Variants in KDM5B observed in about 807,000 individuals in gnomAD.
The protein encoded by KDM5B is lysine demethylase 5B, also known as lysine-specific demethylase 5B.
In KDM5B, 144 loss-of-function variants were observed where a neutral mutation model predicts 193.4. The ratio of observed to expected loss-of-function variants is 0.74; its 90% CI spans 0.65 to 0.86. The LOEUF is 0.86. Ranked by LOEUF, KDM5B falls within the 40% of genes least tolerant of loss-of-function variation. KDM5B has a pLI of 0.00. For synonymous variants in KDM5B, 668 were observed against 682.6 expected (o/e 0.98, Z 0.33); for missense variants, 1,833 against 1,886.9 (o/e 0.97, Z 0.53).
rs150737727 is a variant in KDM5B, at chr1:202,736,273, A to G, written c.3204T>C (p.Ala1068=). 2,181 of 1,612,244 alleles carry G rather than the reference A, an allele frequency of 1.4e-3. 23 individuals carry two copies. In the African/African-American group the frequency reaches 0.026, roughly 19 times the overall value. The stretch of plus-strand genomic sequence containing the variant: ...ATGTATTAACAGCACATTCTTTCCA[A>G]GCCTGAACCTCAGCTACTAGGGTTT... ...RLETLVAEVQ[A]WKECAVNTFL... The change falls in exon 21 of 27, where the codon GCT becomes GCC. Residue 1068 remains alanine (A), a synonymous_variant. Coordinates refer to ENST00000367265, the MANE Select transcript of KDM5B (RefSeq NM_006618.5).
rs1337694639 is a variant in KDM5B at position 202,808,205 on chromosome 1, A to T, written c.101T>A (p.Val34Asp). 6.2e-7 allele frequency: 1 copy of T among 1,612,876 alleles called. No individual in the cohort carries two copies. Among genetic ancestry groups the T allele is most frequent in the Admixed American group, 1.7e-5 (1 of 60,002 alleles). Reference sequence around the variant, plus strand: ...GAACTCTTCCCAGCTGGGTTCGAAGACCGGGCACTCGGGTGGAGGCAGGAA... The same window carrying T: ...GAACTCTTCCCAGCTGGGTTCGAAGTCCGGGCACTCGGGTGGAGGCAGGAA... ...GEFLPPPECP[V>D]FEPSWEEFAD... Residue 34 changes from valine to aspartate, a missense_variant, in exon 1 of 27, where the codon GTC becomes GAC. Transcript: ENST00000367265.
chr1:202,803,370 T>G lies in KDM5B; in HGVS notation c.204+4732A>C, dbSNP rs1558523695. ...ATTTGCAATATCATTCACATTACATTCTTAAAGTCTACACGTTTTGTTTAT... is the reference window on the plus strand; with the variant it reads ...ATTTGCAATATCATTCACATTACATGCTTAAAGTCTACACGTTTTGTTTAT... On this transcript the variant is annotated intron_variant, in intron 1 of 26. Transcript: ENST00000367265. Among the ~76,000 whole-genome samples, 2 of 152,152 alleles carry G rather than the reference T, an allele frequency of 1.3e-5. 1 individual carries two copies. Among genetic ancestry groups the G allele is most frequent in the Non-Finnish European group, 2.9e-5 (2 of 68,020 alleles).
At chr1:202,742,881 T>C in intron 16 of KDM5B, 76 bp from the exon 17 acceptor site, 1 of 1,251,008 alleles carries the variant, frequency 8.0e-7, no homozygotes, top group Non-Finnish European at 1.1e-6. Context: ...CAGAGGAGAC[T>C]GGTTTTGTCA....
At position 202,750,762 on chromosome 1, in the gene KDM5B, T is replaced by C; in HGVS notation, c.1718A>G (p.Gln573Arg). 6.2e-7 allele frequency: 1 copy of C among 1,613,630 alleles called. No homozygotes were observed. Among genetic ancestry groups the C allele is most frequent in the Non-Finnish European group, 8.5e-7 (1 of 1,179,708 alleles). ...THEVPVYRTN[Q>R]CAGEFVITFP... ...TGTAATCACAAACTCCCCAGCACAC[T>C]GATTAGTTCGGTAAACCTAAAGAGA... The change falls in exon 13 of 27, where the codon CAG becomes CGG. Residue 573 changes from glutamine to arginine, a missense_variant. By Grantham distance (43) the Gln-to-Arg change is conservative (BLOSUM62 1). Around this residue, in one of 3 missense-constraint regions of KDM5B, gnomAD observed 1,379 missense variants for 1,349.6 expected, o/e 1.02. Coordinates refer to ENST00000367265, the MANE Select transcript of KDM5B (RefSeq NM_006618.5).
chr1:202,792,839 C>CA (rs1229739796), intron 1 of KDM5B, among the ~76,000 whole-genome samples: 3 of 151,446 alleles, frequency 2.0e-5, no homozygotes, highest in East Asian at 3.9e-4. Flanking sequence ...ACTAAAAATA[C>CA]AAAAAAAATT....
At chr1:202,734,693 C>T (rs767300654) in intron 22 of KDM5B, among the ~76,000 whole-genome samples, 20 of 152,184 alleles carry the variant, frequency 1.3e-4, no homozygotes, top group Non-Finnish European at 2.6e-4. Flanking sequence ...CTGTCTAGAA[C>T]CTGACTGAAT....
At chr1:202,732,058 C>A (rs72750651) in intron 23 of KDM5B, 119 bp from the exon 24 acceptor site, 6,647 of 553,810 alleles carry the variant, frequency 0.012, 13 homozygotes, top group Non-Finnish European at 0.016. Flanking sequence ...AAAAAAAAAA[C>A]AACTTGATTT....
At chr1:202,764,940 A>T (rs575354757) in intron 5 of KDM5B, among the ~76,000 whole-genome samples, 1 of 152,084 alleles carries the variant, frequency 6.6e-6, no homozygotes, top group African/African-American at 2.4e-5. Context: ...CCACACCACT[A>T]TACTCCAGCC....
chr1:202,743,101 C>A (rs1341416709), intron 16 of KDM5B, among the ~76,000 whole-genome samples: 2 of 151,978 alleles, frequency 1.3e-5, no homozygotes, highest in Non-Finnish European at 2.9e-5. Flanking sequence ...ATTTGCAAGG[C>A]CAAGGCAGGA....
In KDM5B at chr1:202,764,164, T is replaced by C. The variant is rs368022912; in HGVS notation, c.712-19A>G. 13 of 1,210,602 alleles carry C rather than the reference T, an allele frequency of 1.1e-5. No homozygotes were observed. The African/African-American group carries it at 1.8e-4, about 17-fold the overall frequency. 75.0% of individuals were successfully genotyped at this position (1,210,602 alleles called of 1,614,324 possible). ...TCATGGCCTTAAAAAAATTGTCATATACATGAATATTTCCTTTAAGAAGAA... is the reference window on the plus strand; with the variant it reads ...TCATGGCCTTAAAAAAATTGTCATACACATGAATATTTCCTTTAAGAAGAA... On this transcript the variant is annotated intron_variant, in intron 5 of 26. Transcript: ENST00000367265.
intron 20 of KDM5B, among the ~76,000 whole-genome samples, chr1:202,738,722 TA>T (rs1216467612): frequency 1.3e-5 from 2 of 152,086 alleles, no homozygotes; most frequent in Non-Finnish European, 2.9e-5. Flanking sequence ...CAGTAACACC[TA>T]TTGGTTTATG....
At chr1:202,751,773 T>A (rs773374083) in intron 12 of KDM5B, among the ~76,000 whole-genome samples, 3 of 152,174 alleles carry the variant, frequency 2.0e-5, no homozygotes, top group Non-Finnish European at 2.9e-5. Context: ...CATTCATCTA[T>A]CTCTGTAGGT....
At chr1:202,790,592 C>A (rs140512979) in intron 1 of KDM5B, among the ~76,000 whole-genome samples, 2,615 of 152,018 alleles carry the variant, frequency 0.017, 77 homozygotes, top group African/African-American at 0.06. Flanking sequence ...TGGTGGCACA[C>A]GCCTGTGATT....
intron 1 of KDM5B, among the ~76,000 whole-genome samples, chr1:202,790,058 G>A (rs577543057): frequency 2.7e-4 from 41 of 151,542 alleles, no homozygotes; most frequent in Non-Finnish European, 5.0e-4. Context: ...GAGGTTGAGG[G>A]TTCGAGACCA....
Position 202,806,568 on chromosome 1 carries a change from G to A in KDM5B, c.204+1534C>T, listed in dbSNP as rs1044325509. 2.6e-5 allele frequency: 4 copies of A among 152,056 alleles called. No homozygotes were observed. The East Asian group carries it at 5.8e-4, about 22-fold the overall frequency. The allele number at this position is 152,056 out of a possible 1,614,324, so 9.4% of individuals were successfully genotyped here. A position where few individuals can be genotyped will look rare whatever the true frequency, so the allele number is the denominator to read the frequency against. On this transcript the variant is annotated intron_variant, in intron 1 of 26. Transcript: ENST00000367265. ...TTCAAACATTTCCCTCATATTCGCT[G>A]GCCAGTTATTTTCTGAAGCATGTAT... is the stretch of plus-strand genomic sequence containing the variant.
intron 1 of KDM5B, among the ~76,000 whole-genome samples, chr1:202,781,478 CAGTTAAAAAATACTATACTTTGTTAA>C (rs1272372143): frequency 6.6e-6 from 1 of 152,114 alleles, no homozygotes; most frequent in Non-Finnish European, 1.5e-5. Context: ...TTTTAAATGT[CAGTTAAAAAATACTATACTTTGTTAA>C]AGTTAAAAAA....
chr1:202,760,487 A>G lies in KDM5B; in HGVS notation c.1005T>C (p.His335=). 1 of 1,613,688 alleles carries G rather than the reference A, an allele frequency of 6.2e-7. No individual in the cohort carries two copies. The highest frequency in any genetic ancestry group is 8.5e-7 in the Non-Finnish European group (1 of 1,179,706). Residue 335 remains histidine, a synonymous_variant, in exon 8 of 27, where the codon CAT becomes CAC. Transcript: ENST00000367265. ...GGAGAGGTGGGATCAAGCAAAAGGT[A>G]TGGTAACTGTCATCACAGCCATCAC... ...LLCDGCDDSY[H]TFCLIPPLHD...
chr1:202,748,008 C>T (rs1247232748), intron 14 of KDM5B, among the ~76,000 whole-genome samples: 1 of 151,900 alleles, frequency 6.6e-6, no homozygotes, highest in African/African-American at 2.4e-5. Context: ...GATTTCAAGA[C>T]TTCTTAGAAA....
At chr1:202,806,260 C>G (rs950383714) in intron 1 of KDM5B, among the ~76,000 whole-genome samples, 2 of 152,200 alleles carry the variant, frequency 1.3e-5, no homozygotes, top group Non-Finnish European at 2.9e-5. Context: ...TCCCAGGAAC[C>G]TGACTCCCCA....
Sources: gnomAD v4.1 joint callset for allele counts (sites outside exome capture counted in the v4.1 genomes callset) on GRCh38, gnomAD v4.1.1 for gene constraint, gnomAD v4.1.1 regional missense constraint, MANE v1.5 for transcripts, NCBI Gene and HGNC (gene_info 2026-07-23, HGNC 2026-07-21) for gene names.